Variants in HDHD2 observed in about 807,000 individuals in gnomAD.
The protein encoded by HDHD2 is haloacid dehalogenase-like hydrolase domain-containing protein 2.
A neutral mutation model predicts 24.8 loss-of-function variants in HDHD2; 26 were observed. The ratio of observed to expected loss-of-function variants is 1.05; its 90% CI spans 0.77 to 1.45. The LOEUF is 1.45. HDHD2 is among the 40% of genes most tolerant of loss of function. HDHD2 has a pLI of 0.00. For synonymous variants in HDHD2, 128 were observed against 114.9 expected, an observed-to-expected ratio of 1.11 and a Z score of -0.73; for missense variants, 299 against 313.4, an observed-to-expected ratio of 0.95 and a Z score of 0.35.
chr18:47,111,019 C>A, intron 6 of HDHD2: 1 of 985,200 alleles, frequency 1.0e-6, no homozygotes, highest in Non-Finnish European at 1.2e-6. Flanking sequence ...AAGCCTAGCA[C>A]TTGTCCACTG....
rs531343324 is a variant in HDHD2 at position 47,129,987 on chromosome 18, G to T, written c.395+257C>A. Among the ~76,000 whole-genome samples the T allele has an allele frequency of 4.9e-4, 74 of 152,210 alleles. 1 individual carries two copies. Among genetic ancestry groups the T allele is most frequent in the African/African-American group, 1.7e-3 (72 of 41,530 alleles). On this transcript the variant is annotated intron_variant, in intron 4 of 6. Transcript: ENST00000300605. ...GATCGAGGCTGTGGTGAGCCATGAT[G>T]ATGTCACTGCACTCCAGCCTGGGCG...
In HDHD2 at chr18:47,138,624, A is replaced by G. The variant is rs7232484; in HGVS notation, c.-10-2175T>C. On this transcript the variant is annotated intron_variant, in intron 1 of 6. Coordinates refer to ENST00000300605, the MANE Select transcript of HDHD2 (RefSeq NM_032124.5). The stretch of plus-strand genomic sequence containing the variant: ...GAGATTTCTTATCAAAGTGGGCGAA[A>G]GAAGGATGTTTTCATACCTAATAAC... Among the ~76,000 whole-genome samples, 408 of 152,370 alleles carry G rather than the reference A, an allele frequency of 2.7e-3. 2 individuals carry two copies. The highest frequency in any genetic ancestry group is 7.2e-3 in the African/African-American group (299 of 41,586).
chr18:47,125,158 T>C (rs918110434), intron 4 of HDHD2, among the ~76,000 whole-genome samples: 48 of 152,070 alleles, frequency 3.2e-4, no homozygotes, highest in African/African-American at 1.1e-3. Flanking sequence ...CAAGACCCTG[T>C]CTTTGAAAAA....
At position 47,130,244 on chromosome 18, in the gene HDHD2, C is replaced by T. The variant is rs768638895; in HGVS notation, c.395G>A (p.Arg132Gln). The T allele has an allele frequency of 3.8e-6, 6 of 1,563,992 alleles. No homozygotes were observed. The highest frequency in any genetic ancestry group is 2.3e-5 in the South Asian group (2 of 88,596). The change falls in exon 4 of 7, where the codon CGG (arginine) becomes CAG (glutamine). Residue 132 changes from arginine to glutamine, a missense_variant and splice_region_variant. Coordinates refer to ENST00000300605, the MANE Select transcript of HDHD2 (RefSeq NM_032124.5). ...ATGAAAAATAAATAGCTAGGTTTAC[C>T]GGAATGCTTGATTCAGAATTTGATA... is the stretch of plus-strand genomic sequence containing the variant. ...FHYQILNQAF[R>Q]LLLDGAPLIA...
At position 47,138,695 on chromosome 18, in the gene HDHD2, G is replaced by A. The variant is rs191600364; in HGVS notation, c.-10-2246C>T. Among the ~76,000 whole-genome samples the A allele has an allele frequency of 4.9e-4, 75 of 152,254 alleles. 1 individual carries two copies. Among genetic ancestry groups the A allele is most frequent in the Admixed American group, 1.8e-3 (27 of 15,300 alleles). ...AAAATGATTTTTTCCACGATTCCTG[G>A]CTCATAACTCCCATAGCCTTTGTTG... On this transcript the variant is annotated intron_variant, in intron 1 of 6. Transcript: ENST00000300605.
rs781079131 is a variant in HDHD2, at chr18:47,134,723, A to G, written c.102-19T>C. ...ACGTAACCTGGAGAGGGCCAAATTC[A>G]GAAGTCAAAAGGCAGCTTTTACATT... On this transcript the variant is annotated intron_variant, in intron 2 of 6. Transcript: ENST00000300605. 1 of 1,593,916 alleles carries G rather than the reference A, an allele frequency of 6.3e-7. No individual in the cohort carries two copies. The highest frequency in any genetic ancestry group is 2.2e-5 in the East Asian group (1 of 44,738).
At chr18:47,110,651 C>A in intron 6 of HDHD2, 1 of 984,916 alleles carries the variant, frequency 1.0e-6, no homozygotes, top group Non-Finnish European at 1.2e-6. Flanking sequence ...ACAGCAGGGG[C>A]TCAATAACGT....
chr18:47,131,112 G>A (rs945460146), intron 3 of HDHD2, among the ~76,000 whole-genome samples: 2 of 152,092 alleles, frequency 1.3e-5, no homozygotes, highest in Non-Finnish European at 2.9e-5. Context: ...GAATAGCTGG[G>A]ATTCCAGGCA....
At chr18:47,134,290 G>A (rs1599950473) in intron 3 of HDHD2, 1 of 589,800 alleles carries the variant, frequency 1.7e-6, no homozygotes, top group East Asian at 2.8e-5. Flanking sequence ...TATGTATTAG[G>A]TTACTATGTA....
At chr18:47,141,812 G>C (rs1488653495) in intron 1 of HDHD2, among the ~76,000 whole-genome samples, 1 of 152,110 alleles carries the variant, frequency 6.6e-6, no homozygotes, top group East Asian at 1.9e-4. Context: ...ATTACATTTT[G>C]ATATGGTTTG....
intron 1 of HDHD2, among the ~76,000 whole-genome samples, chr18:47,147,752 CA>C (rs1265476993): frequency 1.3e-5 from 2 of 152,080 alleles, no homozygotes; most frequent in East Asian, 3.9e-4. Flanking sequence ...TTAATGTTAC[CA>C]AAACATTTTA....
At chr18:47,121,474 T>C (rs1056196038) in intron 4 of HDHD2, among the ~76,000 whole-genome samples, 1 of 152,202 alleles carries the variant, frequency 6.6e-6, no homozygotes, top group South Asian at 2.1e-4. Context: ...AATTAAAATA[T>C]CTCAAAATTG....
At chr18:47,113,438 C>A (rs1781350197) in intron 5 of HDHD2, among the ~76,000 whole-genome samples, 1 of 152,198 alleles carries the variant, frequency 6.6e-6, no homozygotes, top group Admixed American at 6.5e-5. Flanking sequence ...CAGAAGATAG[C>A]TTTTCTGTGG....
chr18:47,129,054 A>G (rs927308796), intron 4 of HDHD2, among the ~76,000 whole-genome samples: 1 of 152,174 alleles, frequency 6.6e-6, no homozygotes, highest in African/African-American at 2.4e-5. Flanking sequence ...CCAGGCTATT[A>G]AAGAAAAATT....
At chr18:47,136,757 CATTT>C (rs1376576148) in intron 1 of HDHD2, among the ~76,000 whole-genome samples, 1 of 151,996 alleles carries the variant, frequency 6.6e-6, no homozygotes, top group Non-Finnish European at 1.5e-5. Context: ...ACAATTCATT[CATTT>C]ATTTTATTTT....
chr18:47,112,126 C>T (rs2063520544), intron 6 of HDHD2, among the ~76,000 whole-genome samples: 4 of 152,204 alleles, frequency 2.6e-5, no homozygotes, highest in Non-Finnish European at 4.4e-5. Flanking sequence ...TTCATTTTAA[C>T]GGTAACAGCT....
intron 6 of HDHD2, chr18:47,111,124 C>T: frequency 1.0e-6 from 1 of 985,210 alleles, no homozygotes; most frequent in Non-Finnish European, 1.2e-6. Flanking sequence ...ATCAATGGTA[C>T]AAATATGCCT....
At chr18:47,142,277 A>AT (rs1176664986) in intron 1 of HDHD2, among the ~76,000 whole-genome samples, 5 of 102,450 alleles carry the variant, frequency 4.9e-5, no homozygotes, top group Non-Finnish European at 1.1e-4. Flanking sequence ...TTTTCATTTC[A>AT]TAAAAAAAAA....
chr18:47,149,426 T>C (rs549917390), intron 1 of HDHD2, among the ~76,000 whole-genome samples: 2 of 152,256 alleles, frequency 1.3e-5, no homozygotes, highest in Admixed American at 6.5e-5. Context: ...ATGACGGTAT[T>C]ATTCAGCCAC....
Sources: gnomAD v4.1 joint callset for allele counts (sites outside exome capture counted in the v4.1 genomes callset) on GRCh38, gnomAD v4.1.1 for gene constraint, MANE v1.5 for transcripts, NCBI Gene and HGNC (gene_info 2026-07-23, HGNC 2026-07-21) for gene names.